Variants in IGSF10 observed in about 807,000 individuals in gnomAD.
IGSF10 encodes calvaria mechanical force protein 608.
IGSF10 carries 126 observed loss-of-function variants against 128.2 expected under a neutral mutation model. The observed-to-expected ratio is 0.98, with a 90% CI of 0.85 to 1.14. IGSF10 has a LOEUF of 1.14. Among genes scored for constraint, IGSF10 ranks in the 50% most tolerant of loss-of-function variants. The pLI is 0.00. For missense variants in IGSF10, 3,295 were observed against 3,149.8 expected (o/e 1.05, Z -1.10); for synonymous variants, 1,185 against 1,146.2 (o/e 1.03, Z -0.68).
chr3:151,597,225 G>A, the IGSF10 span, among the ~76,000 whole-genome samples: 1 of 152,184 alleles, frequency 6.6e-6, no homozygotes, highest in Non-Finnish European at 1.5e-5. Context: ...TGGACACAGT[G>A]AGGAAATGGA....
rs1721033939 is a variant in IGSF10, at chr3:151,444,028, C to T, written c.5063-144G>A. 6.1e-6 allele frequency: 4 copies of T among 651,690 alleles called. No homozygotes were observed. In the Admixed American group the frequency reaches 9.0e-5, roughly 15 times the overall value. The allele number at this position is 651,690 out of a possible 1,614,324, so 40.4% of individuals were successfully genotyped here. On this transcript the variant is annotated intron_variant, in intron 6 of 7. Transcript: ENST00000282466. ...ATGGCTCACTTGTATAATCCCAACA[C>T]TTTGGGAGGCTGAGGTGGGAGAATC...
the IGSF10 span, among the ~76,000 whole-genome samples, chr3:151,592,221 T>TAC: frequency 0.16 from 23,667 of 150,162 alleles, 1,837 homozygotes; most frequent in East Asian, 0.26. Flanking sequence ...TTGAGATTAA[T>TAC]ACACACACAC....
At chr3:151,559,722 A>G in the IGSF10 span, among the ~76,000 whole-genome samples, 6 of 152,072 alleles carry the variant, frequency 3.9e-5, no homozygotes, top group Non-Finnish European at 8.8e-5. Flanking sequence ...AGGGTATGGG[A>G]GAGTAAGAGA....
Position 151,448,065 on chromosome 3 carries a change from T to C in IGSF10, c.1916A>G (p.Asp639Gly). Reference protein sequence around the residue: ...TLRILQVTPKDQGYYRCVAAN... With the variant: ...TLRILQVTPKGQGYYRCVAAN... ...TGCCACACAGCGATAATAACCTTGG[T>C]CTTTCGGGGTGACCTGTAATATTCT... Residue 639 changes from aspartate to glycine, a missense_variant, in exon 6 of 8, where the codon GAC becomes GGC. Transcript: ENST00000282466. 1 of 1,614,156 alleles carries C rather than the reference T, an allele frequency of 6.2e-7. No homozygotes were observed. Among genetic ancestry groups the C allele is most frequent in the Non-Finnish European group, 8.5e-7 (1 of 1,180,042 alleles).
the IGSF10 span, among the ~76,000 whole-genome samples, chr3:151,476,383 G>A: frequency 2.0e-5 from 3 of 152,044 alleles, no homozygotes; most frequent in African/African-American, 7.3e-5. Context: ...TAGGTGGGCT[G>A]AGGCCTAATA....
At chr3:151,592,280 T>G in the IGSF10 span, among the ~76,000 whole-genome samples, 435 of 151,810 alleles carry the variant, frequency 2.9e-3, 2 homozygotes, top group African/African-American at 0.01. Flanking sequence ...CACACACACA[T>G]GTAAGGGGCT....
chr3:151,517,315 G>T, the IGSF10 span, among the ~76,000 whole-genome samples: 2,162 of 152,096 alleles, frequency 0.014, 19 homozygotes, highest in Middle Eastern at 0.027. Flanking sequence ...CAAAGAGACT[G>T]CTTAAAGTGA....
At chr3:151,526,043 G>T in the IGSF10 span, among the ~76,000 whole-genome samples, 6 of 152,176 alleles carry the variant, frequency 3.9e-5, no homozygotes, top group Admixed American at 3.9e-4. Context: ...ACTTCTTGTT[G>T]CTCCAAGGCC....
the IGSF10 span, among the ~76,000 whole-genome samples, chr3:151,544,567 T>A: frequency 6.6e-6 from 1 of 152,210 alleles, no homozygotes; most frequent in African/African-American, 2.4e-5. Context: ...GCTCTATATT[T>A]CATTCCCTAC....
the IGSF10 span, among the ~76,000 whole-genome samples, chr3:151,572,034 G>A: frequency 3.8e-4 from 58 of 152,224 alleles, no homozygotes; most frequent in African/African-American, 1.2e-3. Context: ...ATTGGTTTGC[G>A]TATGTTGCAC....
chr3:151,435,006 A>G (rs1719946329), downstream of IGSF10: 1 of 151,474 alleles, frequency 6.6e-6, no homozygotes, highest in Admixed American at 6.6e-5. Flanking sequence ...GAAAATAACT[A>G]GAATTACTTT....
the IGSF10 span, among the ~76,000 whole-genome samples, chr3:151,557,936 G>A: frequency 0.016 from 2,194 of 133,340 alleles, 67 homozygotes; most frequent in African/African-American, 0.058. Context: ...AAAAAACTCC[G>A]TGAGCTGTAT....
At chr3:151,498,081 A>G in the IGSF10 span, among the ~76,000 whole-genome samples, 6 of 152,254 alleles carry the variant, frequency 3.9e-5, no homozygotes, top group African/African-American at 1.2e-4. Flanking sequence ...GGGCTGAGAC[A>G]ATGGGATTTC....
chr3:151,519,592 T>C, the IGSF10 span, among the ~76,000 whole-genome samples: 1 of 151,852 alleles, frequency 6.6e-6, no homozygotes, highest in Admixed American at 6.6e-5. Flanking sequence ...GTTACTTTGG[T>C]GCTAGACTTT....
Position 151,443,384 on chromosome 3 carries a change from T to C in IGSF10, c.5563A>G (p.Thr1855Ala). ...GGCAGTTTTAAACTTTCACCCCAAG[T>C]GCCTACAATGACTTGCCTCCTTTGC... is the stretch of plus-strand genomic sequence containing the variant. The part of the protein sequence containing the change: ...LEQRRQVIVG[T>A]WGESLKLPCT... Residue 1855 changes from threonine to alanine, a missense_variant, in exon 7 of 8, where the codon ACT becomes GCT. Transcript: ENST00000282466. 6.2e-7 allele frequency: 1 copy of C among 1,614,218 alleles called. No homozygotes were observed. Among genetic ancestry groups the C allele is most frequent in the Non-Finnish European group, 8.5e-7 (1 of 1,180,038 alleles).
At chr3:151,511,263 C>T in the IGSF10 span, among the ~76,000 whole-genome samples, 13 of 152,336 alleles carry the variant, frequency 8.5e-5, no homozygotes, top group Admixed American at 2.0e-4. Flanking sequence ...AAGTGCTGAT[C>T]TCTTGGCAGA....
the IGSF10 span, among the ~76,000 whole-genome samples, chr3:151,544,364 C>T: frequency 6.6e-6 from 1 of 152,218 alleles, no homozygotes; most frequent in Non-Finnish European, 1.5e-5. Flanking sequence ...GTTTTCTCTG[C>T]TCTCACCTCC....
the IGSF10 span, among the ~76,000 whole-genome samples, chr3:151,594,843 A>G: frequency 6.6e-6 from 1 of 151,984 alleles, no homozygotes; most frequent in African/African-American, 2.4e-5. Context: ...TGATTTGATC[A>G]TTACACATTG....
At chr3:151,465,965 G>A (rs1301419543), upstream of IGSF10, among the ~76,000 whole-genome samples, 1 of 152,156 alleles carries the variant, frequency 6.6e-6, no homozygotes, top group African/African-American at 2.4e-5. Context: ...TAAGGCAAAT[G>A]CCAACCTGTA....
Sources: allele counts gnomAD v4.1 joint callset (sites outside exome capture counted in the v4.1 genomes callset), GRCh38; gene constraint gnomAD v4.1.1; transcripts MANE v1.5; gene names NCBI Gene and HGNC (gene_info 2026-07-23, HGNC 2026-07-21).